The following CACNA1E variants were observed in gnomAD, a reference collection of about 807,000 sequenced individuals.
CACNA1E encodes voltage-dependent R-type calcium channel subunit alpha-1E.
In CACNA1E, 40 loss-of-function variants were observed where a neutral mutation model predicts 259.2. The ratio of observed to expected loss-of-function variants is 0.15; its 90% confidence interval spans 0.12 to 0.20. CACNA1E has a LOEUF of 0.20. CACNA1E is among the 10% of genes least tolerant of loss of function. The probability of loss-of-function intolerance (pLI) is 1.00; values close to 1 mark genes in which losing one functional copy is unlikely to be tolerated. For synonymous variants in CACNA1E, 1,104 were observed against 1,138.5 expected, an observed-to-expected ratio of 0.97 and a Z score of 0.61; for missense variants, 1,874 against 3,040.1, an observed-to-expected ratio of 0.62 and a Z score of 9.02.
intron 1 of CACNA1E, among the ~76,000 whole-genome samples, chr1:181,398,092 C>T (rs144682360): frequency 6.6e-6 from 1 of 152,364 alleles, no homozygotes; most frequent in African/African-American, 2.4e-5. Context: ...TCTGCTGTTG[C>T]TTCAACCTCT....
chr1:181,470,916 T>G (rs1434787584), intron 2 of CACNA1E, among the ~76,000 whole-genome samples: 1 of 152,166 alleles, frequency 6.6e-6, no homozygotes, highest in Non-Finnish European at 1.5e-5. Context: ...TTGGTCTGTT[T>G]TTGCTCCTAT....
intron 3 of CACNA1E, among the ~76,000 whole-genome samples, chr1:181,525,036 C>T (rs955108200): frequency 6.6e-6 from 1 of 152,118 alleles, no homozygotes; most frequent in African/African-American, 2.4e-5. Context: ...AGTATTGAGG[C>T]TAGAAAGATA....
At chr1:181,716,154 T>G in intron 10 of CACNA1E, 25 bp downstream of exon 10, 1 of 1,407,838 alleles carries the variant, frequency 7.1e-7, no homozygotes, top group Non-Finnish European at 9.9e-7. Context: ...TTAGATCTTT[T>G]ACTGCTCTGA....
chr1:181,642,004 G>A (rs1019509864), intron 6 of CACNA1E, among the ~76,000 whole-genome samples: 10 of 152,200 alleles, frequency 6.6e-5, no homozygotes, highest in African/African-American at 1.4e-4. Context: ...GAGCCACCGC[G>A]CCTGGCCTGG....
intron 3 of CACNA1E, among the ~76,000 whole-genome samples, chr1:181,543,787 G>A (rs576845626): frequency 1.0e-3 from 153 of 152,258 alleles, no homozygotes; most frequent in African/African-American, 3.6e-3. Context: ...ACCACGATAA[G>A]ATACCACCTC....
chr1:181,780,632 GA>G (rs1292332099), intron 38 of CACNA1E, among the ~76,000 whole-genome samples: 4 of 152,202 alleles, frequency 2.6e-5, no homozygotes, highest in Non-Finnish European at 5.9e-5. Flanking sequence ...CCACCCTGGT[GA>G]AACCCGCAGC....
chr1:181,436,876 A>G (rs185610851), intron 2 of CACNA1E, among the ~76,000 whole-genome samples: 1 of 152,344 alleles, frequency 6.6e-6, no homozygotes, highest in Admixed American at 6.5e-5. Context: ...CTCACCACAA[A>G]TAGGTATATG....
chr1:181,482,635 G>A (rs796167822), upstream of CACNA1E, among the ~76,000 whole-genome samples: 1 of 152,226 alleles, frequency 6.6e-6, no homozygotes, highest in Admixed American at 6.5e-5. Flanking sequence ...CGCGCCGCTC[G>A]CTGTCCTCTG....
intron 46 of CACNA1E, among the ~76,000 whole-genome samples, chr1:181,796,185 T>C (rs543150936): frequency 1.3e-5 from 2 of 152,208 alleles, no homozygotes; most frequent in Non-Finnish European, 2.9e-5. Context: ...TAGCCTGCCT[T>C]TCTCCCCTGC....
chr1:181,633,303 C>T (rs1478415528), intron 6 of CACNA1E, among the ~76,000 whole-genome samples: 1 of 151,990 alleles, frequency 6.6e-6, no homozygotes. Context: ...CAAATTCATT[C>T]TTATCACCAT....
chr1:181,419,135 A>G (rs946951601), intron 2 of CACNA1E, among the ~76,000 whole-genome samples: 8 of 152,182 alleles, frequency 5.3e-5, no homozygotes, highest in African/African-American at 1.7e-4. Context: ...AGGTAGAACA[A>G]GTAGTTTCTG....
rs1157904888 is a variant in CACNA1E, at chr1:181,803,369, T to C, written c.*4535T>C. On this transcript the variant is annotated 3_prime_UTR_variant, in exon 48 of 48. Coordinates refer to ENST00000367573, the MANE Select transcript of CACNA1E (RefSeq NM_001205293.3). ...TTAAAATATCTCCACATTGAGACTC[T>C]TATTTTAACAAAATCCAAACAAAAT... 6.6e-6 allele frequency: 1 copy of C among 152,360 alleles called. No homozygotes were observed. The highest frequency in any genetic ancestry group is 6.5e-5 in the Admixed American group (1 of 15,306). 9.4% of individuals were successfully genotyped at this position (152,360 alleles called of 1,614,324 possible). A position where few individuals can be genotyped will look rare whatever the true frequency, so the allele number is the denominator to read the frequency against.
At chr1:181,480,749 G>A (rs959817065), upstream of CACNA1E, among the ~76,000 whole-genome samples, 5 of 148,254 alleles carry the variant, frequency 3.4e-5, no homozygotes, top group Non-Finnish European at 4.4e-5. Flanking sequence ...GTGACAGCAT[G>A]AGAGTGAAGT....
chr1:181,756,496 C>T (rs1658099724), intron 29 of CACNA1E, among the ~76,000 whole-genome samples: 1 of 152,132 alleles, frequency 6.6e-6, no homozygotes, highest in Admixed American at 6.5e-5. Flanking sequence ...GTTGGCAAAA[C>T]CCAAAGGCAC....
At chr1:181,666,714 A>G (rs1347831808) in intron 7 of CACNA1E, among the ~76,000 whole-genome samples, 5 of 148,854 alleles carry the variant, frequency 3.4e-5, no homozygotes, top group Non-Finnish European at 3.0e-5. Flanking sequence ...CCAAATATAT[A>G]TATATATACA....
rs142614436 is a variant in CACNA1E, at chr1:181,493,072, A to G, written c.266+9062A>G. On this transcript the variant is annotated intron_variant, in intron 1 of 47. Transcript: ENST00000367573. ...TACAGTGTTTGTTCATTTGCTTTCT[A>G]TACTGGGATCACAAATCCTACTGAC... Among the ~76,000 whole-genome samples the G allele has an allele frequency of 2.4e-3, 363 of 152,272 alleles. 2 individuals are homozygous for G. The highest frequency in any genetic ancestry group is 8.5e-3 in the African/African-American group (353 of 41,542).
At chr1:181,578,683 G>A (rs1380699900) in intron 4 of CACNA1E, among the ~76,000 whole-genome samples, 1 of 152,208 alleles carries the variant, frequency 6.6e-6, no homozygotes, top group African/African-American at 2.4e-5. Context: ...AACTATAAAT[G>A]TGCTGCAACA....
intron 6 of CACNA1E, among the ~76,000 whole-genome samples, chr1:181,636,239 C>T (rs1333727811): frequency 1.3e-5 from 2 of 152,028 alleles, no homozygotes; most frequent in Non-Finnish European, 2.9e-5. Context: ...GGTCAGACTG[C>T]TAGGGATATA....
chr1:181,443,434 CT>C (rs1468796811), intron 2 of CACNA1E, among the ~76,000 whole-genome samples: 15 of 152,342 alleles, frequency 9.8e-5, no homozygotes, highest in Admixed American at 9.2e-4. Context: ...AGAAAATGTG[CT>C]CTCTCTTTGT....
Sources: gnomAD v4.1 joint callset for allele counts (sites outside exome capture counted in the v4.1 genomes callset) on GRCh38, gnomAD v4.1.1 for gene constraint, MANE v1.5 for transcripts, NCBI Gene and HGNC (gene_info 2026-07-23, HGNC 2026-07-21) for gene names.